Variants in STK32B observed in about 807,000 individuals in gnomAD.
STK32B encodes serine/threonine-protein kinase 32B.
Under a neutral mutation model 52.6 loss-of-function variants are expected in STK32B, and 43 were observed. The observed-to-expected ratio is 0.82, with a 90% CI of 0.64 to 1.05. The LOEUF (loss-of-function observed/expected upper bound fraction) is 1.05. Ranked by LOEUF, STK32B falls within the 50% of genes least tolerant of loss-of-function variation. STK32B has a pLI of 0.00. For synonymous variants in STK32B, 238 were observed against 204.3 expected (o/e 1.17, Z -1.41); for missense variants, 621 against 534.6 (o/e 1.16, Z -1.59).
rs1427357878 is a variant in STK32B, at chr4:5,316,138, TATATATATAACTAA to T, written c.261-15058_261-15045del. On this transcript the variant is annotated intron_variant, in intron 3 of 11. Coordinates refer to ENST00000282908, the MANE Select transcript of STK32B (RefSeq NM_018401.3). ...TATATATATATATTTTCAAGTTATA[TATATATATAACTAA>T]ATATATATAACTAAATATATATATA... 6.9e-3 allele frequency among the ~76,000 whole-genome samples: 651 copies of T among 93,784 alleles called. 14 individuals carry two copies. The highest frequency in any genetic ancestry group is 0.033 in the African/African-American group (569 of 17,064). 61.5% of individuals were successfully genotyped at this position (93,784 alleles called of 152,430 possible).
chr4:5,157,637 G>A lies in STK32B; in HGVS notation c.109-10662G>A, dbSNP rs551235768. Among the ~76,000 whole-genome samples the A allele has an allele frequency of 7.9e-5, 12 of 152,362 alleles. No individual in the cohort carries two copies. The East Asian group carries it at 2.1e-3, about 27-fold the overall frequency. ...AGGCAGGAACAGAGTTAGCAGTGGA[G>A]CATGTAGCAGGCTGTGTATCTCCAG... On this transcript the variant is annotated intron_variant, in intron 2 of 11. Transcript: ENST00000282908.
At chr4:5,168,529 T>C in intron 3 of STK32B, 79 bp downstream of exon 3, 1 of 1,453,004 alleles carries the variant, frequency 6.9e-7, no homozygotes, top group Non-Finnish European at 9.2e-7. Context: ...CTAGAGGGAC[T>C]CTTCCGCATT....
intron 3 of STK32B, among the ~76,000 whole-genome samples, chr4:5,170,316 T>A (rs1188854236): frequency 1.3e-5 from 2 of 151,518 alleles, no homozygotes; most frequent in African/African-American, 2.4e-5. Flanking sequence ...TATTTTTATT[T>A]TTATTATTAT....
chr4:5,321,748 G>A (rs777259256), intron 3 of STK32B, among the ~76,000 whole-genome samples: 6 of 152,138 alleles, frequency 3.9e-5, no homozygotes, highest in Non-Finnish European at 8.8e-5. Context: ...CCCCTCCAGT[G>A]GGACGGGGGC....
chr4:5,332,980 G>A (rs931652472), intron 4 of STK32B, among the ~76,000 whole-genome samples: 1 of 152,166 alleles, frequency 6.6e-6, no homozygotes, highest in African/African-American at 2.4e-5. Flanking sequence ...CTTTATAACA[G>A]CATGATTTAT....
intron 3 of STK32B, among the ~76,000 whole-genome samples, chr4:5,222,868 TAAG>T (rs1014126507): frequency 5.9e-5 from 9 of 152,190 alleles, no homozygotes; most frequent in African/African-American, 1.7e-4. Context: ...GATCATTTGA[TAAG>T]AAGATTAGTA....
intron 5 of STK32B, among the ~76,000 whole-genome samples, chr4:5,413,277 G>A (rs978261574): frequency 2.9e-4 from 44 of 152,182 alleles, no homozygotes; most frequent in Admixed American, 2.6e-4. Context: ...TGGGATACTA[G>A]CAGTAGCAAG....
At chr4:5,330,814 T>A (rs762995524) in intron 3 of STK32B, among the ~76,000 whole-genome samples, 2 of 152,166 alleles carry the variant, frequency 1.3e-5, no homozygotes, top group Non-Finnish European at 2.9e-5. Context: ...AGCATGCATA[T>A]GCAGGGAATG....
chr4:5,424,824 G>C (rs564342547), intron 6 of STK32B, among the ~76,000 whole-genome samples: 15 of 152,342 alleles, frequency 9.8e-5, no homozygotes, highest in Non-Finnish European at 2.1e-4. Flanking sequence ...ACACAAGAAG[G>C]AGAGAAGGGA....
intron 3 of STK32B, among the ~76,000 whole-genome samples, chr4:5,249,213 A>G (rs1448794355): frequency 2.0e-5 from 3 of 152,148 alleles, no homozygotes; most frequent in Admixed American, 1.3e-4. Context: ...GAAGGTTTCT[A>G]CCTTCATTAA....
Position 5,139,897 on chromosome 4 carries a change from T to C in STK32B, c.53-8T>C. 1 of 1,614,212 alleles carries C rather than the reference T, an allele frequency of 6.2e-7. No homozygotes were observed. The highest frequency in any genetic ancestry group is 8.5e-7 in the Non-Finnish European group (1 of 1,180,036). The stretch of plus-strand genomic sequence containing the variant: ...CTGACTTGTTTCCTTTTTTGTTTTC[T>C]TTTGCAGTCAACTTTGACCATTTTC... On this transcript the variant is annotated splice_polypyrimidine_tract_variant and splice_region_variant and intron_variant, in intron 1 of 11. Transcript: ENST00000282908.
At chr4:5,372,854 G>T (rs1176023968) in intron 4 of STK32B, among the ~76,000 whole-genome samples, 1 of 152,086 alleles carries the variant, frequency 6.6e-6, no homozygotes, top group Non-Finnish European at 1.5e-5. Flanking sequence ...CTAGTTTTCT[G>T]CCATGAGCCC....
In STK32B at chr4:5,270,944, C is replaced by T. The variant is rs564522817; in HGVS notation, c.261-60276C>T. Among the ~76,000 whole-genome samples the T allele has an allele frequency of 5.3e-5, 8 of 152,160 alleles. No individual in the cohort carries two copies. In the South Asian group the frequency reaches 8.3e-4, roughly 16 times the overall value. On this transcript the variant is annotated intron_variant, in intron 3 of 11. Transcript: ENST00000282908. ...TGAATTTTCTTCCCTCCACACCCCC[C>T]GCCCCTCCCGCCCAGAGACAGAGTG...
intron 3 of STK32B, among the ~76,000 whole-genome samples, chr4:5,325,768 T>C (rs1030371540): frequency 4.6e-5 from 7 of 152,228 alleles, no homozygotes; most frequent in African/African-American, 1.7e-4. Flanking sequence ...GTGATAGAGC[T>C]TAGCTTTCTT....
intron 3 of STK32B, among the ~76,000 whole-genome samples, chr4:5,305,714 G>A (rs573959466): frequency 2.0e-5 from 3 of 151,810 alleles, no homozygotes; most frequent in East Asian, 1.9e-4. Flanking sequence ...AGTTCTGCTC[G>A]GATCTTGGCT....
rs140584863 is a variant in STK32B at position 5,255,659 on chromosome 4, T to C, written c.261-75561T>C. Among the ~76,000 whole-genome samples, 268 of 152,310 alleles carry C rather than the reference T, an allele frequency of 1.8e-3. 3 individuals carry two copies. In the East Asian group the frequency reaches 0.024, roughly 13 times the overall value. On this transcript the variant is annotated intron_variant, in intron 3 of 11. Coordinates refer to ENST00000282908, the MANE Select transcript of STK32B (RefSeq NM_018401.3). ...TGCGTAACCTCTTTTTAACTTAATG[T>C]GAATGGAATCATATAATAAATACTG...
At chr4:5,459,065 G>T (rs1716811268) in intron 8 of STK32B, among the ~76,000 whole-genome samples, 1 of 152,210 alleles carries the variant, frequency 6.6e-6, no homozygotes, top group African/African-American at 2.4e-5. Flanking sequence ...ACTTCCACAT[G>T]GTATTGAAGT....
chr4:5,066,035 T>C (rs77618486), intron 1 of STK32B, among the ~76,000 whole-genome samples: 21,980 of 152,176 alleles, frequency 0.14, 1,951 homozygotes, highest in Non-Finnish European at 0.2. Context: ...GACTCAATAA[T>C]TTTTTACCTT....
Position 5,346,699 on chromosome 4 carries a change from G to C in STK32B, c.434+15306G>C, listed in dbSNP as rs558811415. Among the ~76,000 whole-genome samples the C allele has an allele frequency of 5.3e-5, 8 of 152,304 alleles. No homozygotes were observed. The South Asian group carries it at 1.0e-3, about 20-fold the overall frequency. On this transcript the variant is annotated intron_variant, in intron 4 of 11. Transcript: ENST00000282908. ...CATGATTTTGCTACTCTATTAACAA[G>C]GAGGAGTGCTCACCTCCCACAGAGC... is the stretch of plus-strand genomic sequence containing the variant.
Sources: allele counts gnomAD v4.1 joint callset (sites outside exome capture counted in the v4.1 genomes callset), GRCh38; gene constraint gnomAD v4.1.1; transcripts MANE v1.5; gene names NCBI Gene and HGNC (gene_info 2026-07-23, HGNC 2026-07-21).